The following MACC1 variants were observed in gnomAD, a reference collection of about 807,000 sequenced individuals.
MACC1 encodes the protein metastasis-associated in colon cancer protein 1.
A neutral mutation model predicts 70.7 loss-of-function variants in MACC1; 79 were observed. That is an observed-to-expected ratio of 1.12 (90% CI 0.93 to 1.35). The LOEUF (loss-of-function observed/expected upper bound fraction) is 1.35. MACC1 is among the 40% of genes most tolerant of loss of function. The probability of loss-of-function intolerance (pLI) is 0.00; values close to 1 mark genes in which losing one functional copy is unlikely to be tolerated. For synonymous variants in MACC1, 361 were observed against 347.2 expected (o/e 1.04, Z -0.44); for missense variants, 1,106 against 978.1 (o/e 1.13, Z -1.74).
intron 1 of MACC1, among the ~76,000 whole-genome samples, chr7:20,187,456 T>A (rs1043902614): frequency 6.6e-6 from 1 of 152,144 alleles, no homozygotes; most frequent in African/African-American, 2.4e-5. Flanking sequence ...CTGACAAACT[T>A]CTTGTCCTTT....
At chr7:20,162,988 A>C (rs1235117819) in intron 3 of MACC1, among the ~76,000 whole-genome samples, 1 of 152,174 alleles carries the variant, frequency 6.6e-6, no homozygotes, top group African/African-American at 2.4e-5. Flanking sequence ...CACAAGCCAA[A>C]ACTAGGACAA....
At chr7:20,141,516 G>A (rs73276412) in intron 6 of MACC1, among the ~76,000 whole-genome samples, 13,570 of 151,042 alleles carry the variant, frequency 0.09, 1,811 homozygotes, top group African/African-American at 0.29. Flanking sequence ...GAGACTTTTA[G>A]AGTTAATTAT....
Position 20,209,682 on chromosome 7 carries a change from G to T in MACC1, c.-218+7617C>A, listed in dbSNP as rs563707724. Among the ~76,000 whole-genome samples, 8 of 152,262 alleles carry T rather than the reference G, an allele frequency of 5.3e-5. No homozygotes were observed. The South Asian group carries it at 1.7e-3, about 32-fold the overall frequency. On this transcript the variant is annotated intron_variant, in intron 1 of 6. Coordinates refer to ENST00000400331, the MANE Select transcript of MACC1 (RefSeq NM_182762.4). ...AATGCTGGAATGAGTTAAGGCTTTGGGGGGGACTATTGGAAAGGCATGATT... is the reference window on the plus strand; with the variant it reads ...AATGCTGGAATGAGTTAAGGCTTTGTGGGGGACTATTGGAAAGGCATGATT...
chr7:20,207,433 T>G (rs1782929005), intron 1 of MACC1, among the ~76,000 whole-genome samples: 1 of 152,158 alleles, frequency 6.6e-6, no homozygotes, highest in Non-Finnish European at 1.5e-5. Flanking sequence ...ATTACAGGCA[T>G]GAGCCACTGG....
chr7:20,154,616 A>G (rs1290449243), intron 5 of MACC1, among the ~76,000 whole-genome samples: 1 of 152,190 alleles, frequency 6.6e-6, no homozygotes, highest in Non-Finnish European at 1.5e-5. Flanking sequence ...TTCAGTGGCT[A>G]ATTATAGGAC....
At chr7:20,202,947 A>T (rs919126089) in intron 1 of MACC1, among the ~76,000 whole-genome samples, 1 of 152,182 alleles carries the variant, frequency 6.6e-6, no homozygotes, top group African/African-American at 2.4e-5. Flanking sequence ...TGTTCTCTTT[A>T]TATGTGAGCA....
At chr7:20,199,880 C>A (rs983003041) in intron 1 of MACC1, among the ~76,000 whole-genome samples, 3 of 151,874 alleles carry the variant, frequency 2.0e-5, no homozygotes, top group African/African-American at 7.3e-5. Context: ...TAAAATGAAT[C>A]AATCAGAAAG....
rs144599709 is a variant in MACC1, at chr7:20,203,494, T to G, written c.-218+13805A>C. Among the ~76,000 whole-genome samples the G allele has an allele frequency of 3.0e-3, 450 of 152,314 alleles. 3 individuals carry two copies. The highest frequency in any genetic ancestry group is 0.01 in the African/African-American group (431 of 41,570). On this transcript the variant is annotated intron_variant, in intron 1 of 6. Transcript: ENST00000400331. ...TCAACGGCTAAACCTATGAAGTGAA[T>G]GATGCATCCAATTTTTAAGTCAGCT...
At chr7:20,151,547 A>T (rs1182241958) in intron 6 of MACC1, among the ~76,000 whole-genome samples, 1 of 152,222 alleles carries the variant, frequency 6.6e-6, no homozygotes, top group Admixed American at 6.5e-5. Context: ...GTCATTAGAA[A>T]AGTCGAGTAA....
At chr7:20,156,573 A>G (rs1444251432) in intron 5 of MACC1, among the ~76,000 whole-genome samples, 1 of 152,236 alleles carries the variant, frequency 6.6e-6, no homozygotes, top group Non-Finnish European at 1.5e-5. Context: ...CAAAATGCAC[A>G]CGCAGCTTCC....
At chr7:20,143,614 C>T (rs1781841181) in intron 6 of MACC1, among the ~76,000 whole-genome samples, 1 of 152,114 alleles carries the variant, frequency 6.6e-6, no homozygotes, top group Non-Finnish European at 1.5e-5. Context: ...TGGTCTTGAT[C>T]TCCTGACCTC....
chr7:20,143,653 TGCTGGGATTACA>T (rs1781842388), intron 6 of MACC1, among the ~76,000 whole-genome samples: 1 of 151,920 alleles, frequency 6.6e-6, no homozygotes, highest in South Asian at 2.1e-4. Context: ...ACTCGCAAAG[TGCTGGGATTACA>T]GGCATGAGCC....
intron 6 of MACC1, among the ~76,000 whole-genome samples, chr7:20,143,599 C>T (rs1178990402): frequency 1.3e-5 from 2 of 152,144 alleles, no homozygotes; most frequent in African/African-American, 4.8e-5. Flanking sequence ...CCACCTTGGC[C>T]AGGATGGTCT....
At chr7:20,152,378 T>A (rs142261247) in intron 6 of MACC1, among the ~76,000 whole-genome samples, 2 of 152,280 alleles carry the variant, frequency 1.3e-5, no homozygotes, top group African/African-American at 2.4e-5. Flanking sequence ...TGTAAATTGA[T>A]CATATTTAGG....
chr7:20,168,095 C>G lies in MACC1; in HGVS notation c.-153+2619G>C, dbSNP rs141815720. On this transcript the variant is annotated intron_variant, in intron 2 of 6. Coordinates refer to ENST00000400331, the MANE Select transcript of MACC1 (RefSeq NM_182762.4). ...TGCAGAGAGGTTGATAGTTATTTGT[C>G]TTTTTTATTTGAATTCCCTACAGTA... Among the ~76,000 whole-genome samples, 3 of 152,228 alleles carry G rather than the reference C, an allele frequency of 2.0e-5. 1 individual carries two copies. The highest frequency in any genetic ancestry group is 4.4e-5 in the Non-Finnish European group (3 of 68,006).
chr7:20,135,037 T>G lies in MACC1; in HGVS notation c.*5909A>C, dbSNP rs960230409. 4.8e-4 allele frequency: 73 copies of G among 152,350 alleles called. 1 individual carries two copies. Among genetic ancestry groups the G allele is most frequent in the African/African-American group, 1.8e-3 (73 of 41,580 alleles). The allele number at this position is 152,350 out of a possible 1,614,324, so 9.4% of individuals were successfully genotyped here. A position where few individuals can be genotyped will look rare whatever the true frequency, so the allele number is the denominator to read the frequency against. ...AGTGAAAGCAGGGCATATAGATAGCTGTATTGATCACATTGATTAAAAACA... is the reference window on the plus strand; with the variant it reads ...AGTGAAAGCAGGGCATATAGATAGCGGTATTGATCACATTGATTAAAAACA... On this transcript the variant is annotated 3_prime_UTR_variant, in exon 7 of 7. Transcript: ENST00000400331.
At chr7:20,197,823 T>C (rs1782778036) in intron 1 of MACC1, among the ~76,000 whole-genome samples, 1 of 152,256 alleles carries the variant, frequency 6.6e-6, no homozygotes, top group African/African-American at 2.4e-5. Flanking sequence ...TATCATGACT[T>C]AGTATCATGG....
chr7:20,175,126 C>T (rs924358849), intron 1 of MACC1, among the ~76,000 whole-genome samples: 1 of 151,998 alleles, frequency 6.6e-6, no homozygotes, highest in African/African-American at 2.4e-5. Flanking sequence ...AAGATATCAT[C>T]TACTCTGAGA....
Position 20,141,034 on chromosome 7 carries a change from T to C in MACC1, c.2471A>G (p.His824Arg). The change falls in exon 7 of 7, where the codon CAC becomes CGC. Residue 824 changes from histidine to arginine, a missense_variant. By Grantham distance (29) the His-to-Arg change is conservative. Transcript: ENST00000400331. ...LDRMKNPVTK[H>R]WRELTGVLIL... Reference sequence around the variant, plus strand: ...TAAAACTCCAGTTAATTCTCTCCAGTGTTTAGTCACAGGGTTTTTCATTCT... The same window carrying C: ...TAAAACTCCAGTTAATTCTCTCCAGCGTTTAGTCACAGGGTTTTTCATTCT... 6.2e-7 allele frequency: 1 copy of C among 1,614,110 alleles called. No homozygotes were observed. Among genetic ancestry groups the C allele is most frequent in the African/African-American group, 1.3e-5 (1 of 75,062 alleles).
Sources: allele counts gnomAD v4.1 joint callset (sites outside exome capture counted in the v4.1 genomes callset), GRCh38; gene constraint gnomAD v4.1.1; transcripts MANE v1.5; gene names NCBI Gene and HGNC (gene_info 2026-07-23, HGNC 2026-07-21).